A2ML1: variants seen among roughly 807,000 people sequenced by gnomAD.
A2ML1 encodes alpha-2-macroglobulin like 1.
A neutral mutation model predicts 181.9 loss-of-function variants in A2ML1; 161 were observed. That is an observed-to-expected ratio of 0.89 (90% confidence interval 0.78 to 1.01). The LOEUF (loss-of-function observed/expected upper bound fraction) is 1.01, where lower values mean the gene tolerates loss of function less well. Among genes scored for constraint, A2ML1 ranks in the 50% least tolerant of loss-of-function variants. A2ML1 has a pLI of 0.00. For missense variants in A2ML1, 1,670 were observed against 1,768.1 expected (o/e 0.94, Z 1.00); for synonymous variants, 663 against 666.8 (o/e 0.99, Z 0.09).
At position 8,876,310 on chromosome 12, in the gene A2ML1, GT is replaced by G. The variant is rs1299003975; in HGVS notation, c.*258del. 2 of 152,278 alleles carry G rather than the reference GT, an allele frequency of 1.3e-5. No individual in the cohort carries two copies. The highest frequency in any genetic ancestry group is 6.5e-5 in the Admixed American group (1 of 15,272). The allele number at this position is 152,278 out of a possible 1,614,324, so 9.4% of individuals were successfully genotyped here. On this transcript the variant is annotated 3_prime_UTR_variant, in exon 36 of 36. Transcript: ENST00000299698. ...TAGGGGGAAGAAAGGTGGTTTAGCT[GT>G]TTTATTTAGCCATTCAGGGGGCTCT...
At chr12:8,872,567 A>G (rs886093021) in intron 33 of A2ML1, among the ~76,000 whole-genome samples, 2 of 151,980 alleles carry the variant, frequency 1.3e-5, no homozygotes, top group African/African-American at 4.8e-5. Context: ...GGATCACGAG[A>G]TCAGGAGTTC....
At chr12:8,857,691 C>G (rs775707256) in intron 25 of A2ML1, 103 bp downstream of exon 25, 4 of 1,307,420 alleles carry the variant, frequency 3.1e-6, no homozygotes, top group Admixed American at 4.0e-5. Context: ...TTCCTTCTTG[C>G]ACTCAGTCTT....
intron 32 of A2ML1, among the ~76,000 whole-genome samples, 200 bp from the exon 33 acceptor site, chr12:8,868,931 TACAC>T (rs1414886726): frequency 2.0e-5 from 3 of 152,128 alleles, no homozygotes; most frequent in Admixed American, 6.6e-5. Flanking sequence ...TATATATTCA[TACAC>T]ACAAACTCAT....
intron 20 of A2ML1, among the ~76,000 whole-genome samples, chr12:8,853,823 A>G (rs1431413147): frequency 6.6e-6 from 1 of 152,138 alleles, no homozygotes; most frequent in African/African-American, 2.4e-5. Context: ...CATTACTTTC[A>G]CCCTGTTCTC....
At chr12:8,875,075 C>G (rs368198906) in intron 35 of A2ML1, 63 bp downstream of exon 35, 14 of 1,531,532 alleles carry the variant, frequency 9.1e-6, no homozygotes, top group African/African-American at 1.4e-5. Context: ...AGAGGAGCCT[C>G]TTTTCGAGTT....
intron 33 of A2ML1, among the ~76,000 whole-genome samples, chr12:8,873,117 A>T (rs1944684315): frequency 6.6e-6 from 1 of 152,180 alleles, no homozygotes; most frequent in African/African-American, 2.4e-5. Flanking sequence ...ATTCTGATGC[A>T]ATCTCGGGGA....
chr12:8,857,040 C>G, intron 23 of A2ML1, 124 bp from the exon 24 acceptor site: 1 of 976,824 alleles, frequency 1.0e-6, no homozygotes, highest in Non-Finnish European at 1.5e-6. Flanking sequence ...GCCACCACGC[C>G]CGGCCCATAG....
In A2ML1 at chr12:8,863,910, A is replaced by G. The variant is rs1944354172; in HGVS notation, c.3619A>G (p.Lys1207Glu). Residue 1207 changes from lysine (K) to glutamate (E), a missense_variant, in exon 29 of 36, where the codon AAG (lysine) becomes GAG (glutamate). Transcript: ENST00000299698. ...ATATGCATTGTTGGCCCAGCTTACC[A>G]AGCCCAGCCTGACTCAAAAGGAGAT... Reference protein sequence around the residue: ...TAYALLAQLTKPSLTQKEIAK... With the variant: ...TAYALLAQLTEPSLTQKEIAK... 1 of 1,614,202 alleles carries G rather than the reference A, an allele frequency of 6.2e-7. No homozygotes were observed. Among genetic ancestry groups the G allele is most frequent in the African/African-American group, 1.3e-5 (1 of 75,074 alleles).
chr12:8,886,008 T>TCACACACA (rs1491278936), intron 7 of A2ML1, among the ~76,000 whole-genome samples: 32 of 55,332 alleles, frequency 5.8e-4, no homozygotes, highest in Admixed American at 1.5e-3. Flanking sequence ...TTCAACAATA[T>TCACACACA]CTCACACACA....
At chr12:8,877,894 C>T (rs115416427), downstream of A2ML1, among the ~76,000 whole-genome samples, 575 of 152,214 alleles carry the variant, frequency 3.8e-3, 3 homozygotes, top group African/African-American at 0.013. Context: ...GTATGTTTTT[C>T]GCAGCACTAT....
In A2ML1 at chr12:8,861,260, T is replaced by C. The variant is rs1374918144; in HGVS notation, c.3465T>C (p.Ile1155=). 6.2e-7 allele frequency: 1 copy of C among 1,614,084 alleles called. No individual in the cohort carries two copies. The highest frequency in any genetic ancestry group is 1.7e-5 in the Admixed American group (1 of 60,022). ...CTGGGGAAATGGACATCAGAAACATTCTCCTTAAACAGTTAGATCAACAGG... is the reference window on the plus strand; with the variant it reads ...CTGGGGAAATGGACATCAGAAACATCCTCCTTAAACAGTTAGATCAACAGG... ...SLAGEMDIRN[I]LLKQLDQQAI... The change falls in exon 28 of 36, where the codon ATT becomes ATC. Residue 1155 remains isoleucine (I), a synonymous_variant. Coordinates refer to ENST00000299698, the MANE Select transcript of A2ML1 (RefSeq NM_144670.6).
At chr12:8,870,186 C>A (rs1024384784) in intron 33 of A2ML1, among the ~76,000 whole-genome samples, 1 of 152,222 alleles carries the variant, frequency 6.6e-6, no homozygotes, top group Non-Finnish European at 1.5e-5. Context: ...CCCCTGCCCA[C>A]CCACCAACCC....
Position 8,858,095 on chromosome 12 carries a change from C to G in A2ML1, c.3257C>G (p.Ala1086Gly). Residue 1086 changes from alanine (A) to glycine (G), a missense_variant, in exon 26 of 36, where the codon GCT (alanine) becomes GGT (glycine). Ala to Gly is a moderately conservative substitution (Grantham distance 60). Coordinates refer to ENST00000299698, the MANE Select transcript of A2ML1 (RefSeq NM_144670.6). ...AACGTGGGAAATCTCCTTCACACAG[C>G]TATGAAGGTGCGGATCTGTCCAGGA... The part of the protein sequence containing the change: ...YANVGNLLHT[A>G]MKGGVDDEVS... 6.2e-7 allele frequency: 1 copy of G among 1,614,068 alleles called. No individual in the cohort carries two copies. The highest frequency in any genetic ancestry group is 1.1e-5 in the South Asian group (1 of 91,080).
At chr12:8,865,729 G>GA (rs1047267779) in intron 29 of A2ML1, among the ~76,000 whole-genome samples, 5 of 151,894 alleles carry the variant, frequency 3.3e-5, no homozygotes, top group African/African-American at 1.2e-4. Context: ...TGGCAGTATG[G>GA]AAAAAACAGA....
chr12:8,829,335 C>A (rs962992321), intron 3 of A2ML1, among the ~76,000 whole-genome samples: 3 of 152,098 alleles, frequency 2.0e-5, no homozygotes, highest in Non-Finnish European at 4.4e-5. Flanking sequence ...TGACTCAGAG[C>A]ATGTGTGAGG....
In A2ML1 at chr12:8,868,307, A is replaced by T. The variant is rs1341181212; in HGVS notation, c.4011A>T (p.Arg1337Ser). 1 of 1,613,840 alleles carries T rather than the reference A, an allele frequency of 6.2e-7. No homozygotes were observed. The highest frequency in any genetic ancestry group is 1.3e-5 in the African/African-American group (1 of 74,902). ...TTAGTGTGGAAATAGGAAAAGCTAG[A>T]TGTGAGCAACCGACTTCACCTCGAT... ...FSLSVEIGKA[R>S]CEQPTSPRSL... The change falls in exon 31 of 36, where the codon AGA becomes AGT. Residue 1337 changes from arginine to serine, a missense_variant. Physicochemically the swap from Arg to Ser is moderately radical, Grantham distance 110. Coordinates refer to ENST00000299698, the MANE Select transcript of A2ML1 (RefSeq NM_144670.6).
rs762980682 is a variant in A2ML1 at position 8,851,823 on chromosome 12, C to T, written c.2274C>T (p.Asp758=). 33 of 1,614,066 alleles carry T rather than the reference C, an allele frequency of 2.0e-5. No homozygotes were observed. The highest frequency in any genetic ancestry group is 1.7e-4 in the African/African-American group (13 of 74,926). ...AGGCGGTCCACGTCACAGTTCCTGA[C>T]GCCATCACCGAGTGGAAGGCGATGA... ...GKEAVHVTVP[D]AITEWKAMSF... is the part of the protein sequence containing the mutation. The change falls in exon 19 of 36, where the codon GAC becomes GAT. Residue 758 remains aspartate (D), a synonymous_variant. Coordinates refer to ENST00000299698, the MANE Select transcript of A2ML1 (RefSeq NM_144670.6).
chr12:8,827,062 T>G (rs915305269), intron 3 of A2ML1, among the ~76,000 whole-genome samples: 3 of 152,120 alleles, frequency 2.0e-5, no homozygotes, highest in African/African-American at 7.2e-5. Context: ...CTTTCTCAGC[T>G]GGGCTCAGTG....
chr12:8,840,582 G>A (rs2098244), intron 10 of A2ML1, among the ~76,000 whole-genome samples: 141,359 of 152,112 alleles, frequency 0.93, 66,345 homozygotes, highest in East Asian at 1. Context: ...GGATTACACA[G>A]TTTGGGAGGG....
Sources: gnomAD v4.1 joint callset for allele counts (sites outside exome capture counted in the v4.1 genomes callset) on GRCh38, gnomAD v4.1.1 for gene constraint, MANE v1.5 for transcripts, NCBI Gene and HGNC (gene_info 2026-07-23, HGNC 2026-07-21) for gene names.